The following POLR3B variants were observed in gnomAD, a reference collection of about 807,000 sequenced individuals.
The protein encoded by POLR3B is RNA polymerase III subunit B.
In POLR3B, 96 loss-of-function variants were observed where a neutral mutation model predicts 147.4. That is an observed-to-expected ratio of 0.65 (90% CI 0.55 to 0.77). POLR3B has a LOEUF of 0.77. POLR3B is among the 30% of genes least tolerant of loss of function. The probability of loss-of-function intolerance (pLI) is 0.00; values close to 1 mark genes in which losing one functional copy is unlikely to be tolerated. For missense variants in POLR3B, 1,036 were observed against 1,413.5 expected (o/e 0.73, Z 4.28); for synonymous variants, 461 against 485.9 (o/e 0.95, Z 0.67).
Position 106,432,409 on chromosome 12 carries a change from G to A in POLR3B, c.1556G>A (p.Gly519Glu). Residue 519 changes from glycine to glutamate, a missense_variant, in exon 15 of 28, where the codon GGA (glycine) becomes GAA (glutamate). Physicochemically the swap from Gly to Glu is moderately conservative, Grantham distance 98. Transcript: ENST00000228347. ...GPIVKLASNL[G>E]VEDVNLLCGE... ...ATTGTTAAATTAGCCAGTAACTTGGGAGTAGAAGATGTGAATTTATTATGT... is the reference window on the plus strand; with the variant it reads ...ATTGTTAAATTAGCCAGTAACTTGGAAGTAGAAGATGTGAATTTATTATGT... 1 of 1,613,436 alleles carries A rather than the reference G, an allele frequency of 6.2e-7. No individual in the cohort carries two copies. Among genetic ancestry groups the A allele is most frequent in the Non-Finnish European group, 8.5e-7 (1 of 1,179,416 alleles).
At chr12:106,496,606 A>T (rs1389812590) in intron 24 of POLR3B, 146 bp from the exon 25 acceptor site, 2 of 726,294 alleles carry the variant, frequency 2.8e-6, no homozygotes, top group Non-Finnish European at 2.4e-6. Flanking sequence ...GTAAAATTAG[A>T]TCACACATGT....
chr12:106,436,255 G>A (rs755990600), intron 16 of POLR3B, among the ~76,000 whole-genome samples: 2 of 152,158 alleles, frequency 1.3e-5, no homozygotes, highest in Non-Finnish European at 2.9e-5. Context: ...CTCTCTGTAA[G>A]AGCTGCTTAT....
chr12:106,402,802 A>G (rs1235757302), intron 10 of POLR3B, among the ~76,000 whole-genome samples: 2 of 152,234 alleles, frequency 1.3e-5, no homozygotes, highest in Non-Finnish European at 2.9e-5. Flanking sequence ...TTATACAAAA[A>G]TTAATTCCAG....
At chr12:106,401,886 C>T (rs920526655) in intron 10 of POLR3B, among the ~76,000 whole-genome samples, 1 of 152,196 alleles carries the variant, frequency 6.6e-6, no homozygotes, top group Non-Finnish European at 1.5e-5. Context: ...GAAGCATTCC[C>T]TTTGAAAACT....
intron 22 of POLR3B, among the ~76,000 whole-genome samples, chr12:106,461,969 C>T (rs764849324): frequency 2.6e-5 from 4 of 152,200 alleles, no homozygotes; most frequent in Non-Finnish European, 4.4e-5. Context: ...GACAGCTTTA[C>T]AGTGGTCCCA....
At chr12:106,454,735 A>C in intron 20 of POLR3B, 24 bp downstream of exon 20, 3 of 1,369,560 alleles carry the variant, frequency 2.2e-6, no homozygotes, top group Non-Finnish European at 1.0e-6. Flanking sequence ...CAAAACTAAC[A>C]CCAAAGTTGC....
intron 19 of POLR3B, among the ~76,000 whole-genome samples, chr12:106,449,796 T>C (rs1446217714): frequency 1.3e-5 from 2 of 152,152 alleles, no homozygotes; most frequent in African/African-American, 4.8e-5. Flanking sequence ...TTCAAATCCA[T>C]GTTCAAGGGT....
chr12:106,367,687 T>C (rs2036552875), intron 4 of POLR3B, among the ~76,000 whole-genome samples: 1 of 152,202 alleles, frequency 6.6e-6, no homozygotes, highest in African/African-American at 2.4e-5. Context: ...CAGATGCCAA[T>C]ATATTTTATT....
At chr12:106,478,673 TAGA>T (rs2038217347) in intron 23 of POLR3B, among the ~76,000 whole-genome samples, 1 of 152,132 alleles carries the variant, frequency 6.6e-6, no homozygotes, top group African/African-American at 2.4e-5. Flanking sequence ...AACAGAGTAA[TAGA>T]AGGATTGACA....
At chr12:106,364,219 GAGA>G (rs2038422796) in intron 2 of POLR3B, among the ~76,000 whole-genome samples, 1 of 152,230 alleles carries the variant, frequency 6.6e-6, no homozygotes, top group African/African-American at 2.4e-5. Context: ...CACATCTTAA[GAGA>G]AGAAGGTTTA....
chr12:106,386,889 A>T (rs2036847075), intron 9 of POLR3B, among the ~76,000 whole-genome samples: 1 of 150,708 alleles, frequency 6.6e-6, no homozygotes, highest in Non-Finnish European at 1.5e-5. Flanking sequence ...CCTGGGCAAC[A>T]GAGCAAGACT....
intron 14 of POLR3B, among the ~76,000 whole-genome samples, chr12:106,431,886 A>G (rs776357731): frequency 2.7e-4 from 41 of 152,156 alleles, no homozygotes; most frequent in Non-Finnish European, 4.6e-4. Flanking sequence ...CAGTTATTTT[A>G]TACAGTCTCT....
intron 12 of POLR3B, among the ~76,000 whole-genome samples, chr12:106,411,737 T>C: frequency 6.6e-6 from 1 of 152,202 alleles, no homozygotes; most frequent in South Asian, 2.1e-4. Context: ...GGTAGGTTAG[T>C]GAGGATATCT....
At position 106,405,853 on chromosome 12, in the gene POLR3B, A is replaced by G. The variant is rs1355809407; in HGVS notation, c.847-4A>G. 2 of 1,612,838 alleles carry G rather than the reference A, an allele frequency of 1.2e-6. No individual in the cohort carries two copies. Among genetic ancestry groups the G allele is most frequent in the Non-Finnish European group, 1.7e-6 (2 of 1,178,962 alleles). ...CAAACATTATTGTAATCTGTTTTTT[A>G]TAGGCATTAAAATATATAGGGAACA... On this transcript the variant is annotated splice_region_variant and splice_polypyrimidine_tract_variant and intron_variant, in intron 10 of 27. Coordinates refer to ENST00000228347, the MANE Select transcript of POLR3B (RefSeq NM_018082.6).
At chr12:106,470,607 C>G (rs1299122596) in intron 23 of POLR3B, among the ~76,000 whole-genome samples, 1 of 152,122 alleles carries the variant, frequency 6.6e-6, no homozygotes, top group Non-Finnish European at 1.5e-5. Context: ...TACCTTTGGT[C>G]TTTGATGTTG....
At chr12:106,474,882 T>A (rs1262544141) in intron 23 of POLR3B, among the ~76,000 whole-genome samples, 1 of 151,326 alleles carries the variant, frequency 6.6e-6, no homozygotes, top group Non-Finnish European at 1.5e-5. Context: ...CTGCTCTGAT[T>A]TTAGTTATTT....
intron 23 of POLR3B, among the ~76,000 whole-genome samples, chr12:106,494,168 CAT>C (rs895502491): frequency 9.2e-5 from 14 of 152,214 alleles, no homozygotes; most frequent in African/African-American, 2.9e-4. Context: ...ATTTTAATAA[CAT>C]AATAAAGTTG....
At chr12:106,416,763 T>C (rs2037308869) in intron 12 of POLR3B, among the ~76,000 whole-genome samples, 1 of 152,170 alleles carries the variant, frequency 6.6e-6, no homozygotes, top group Non-Finnish European at 1.5e-5. Flanking sequence ...ATGTTTAGAT[T>C]CTTTCACAGA....
chr12:106,447,339 G>C (rs2137020199), intron 19 of POLR3B, among the ~76,000 whole-genome samples: 1 of 152,242 alleles, frequency 6.6e-6, no homozygotes, highest in African/African-American at 2.4e-5. Context: ...AAACCACAGA[G>C]ATGGAAAGCC....
Sources: allele counts gnomAD v4.1 joint callset (sites outside exome capture counted in the v4.1 genomes callset), GRCh38; gene constraint gnomAD v4.1.1; transcripts MANE v1.5; gene names NCBI Gene and HGNC (gene_info 2026-07-23, HGNC 2026-07-21).